Variants in USE1 observed in about 807,000 individuals in gnomAD.
The protein encoded by USE1 is vesicle transport protein USE1.
USE1 carries 32 observed loss-of-function variants against 37.6 expected under a neutral mutation model. That is an observed-to-expected ratio of 0.85 (90% CI 0.64 to 1.14). USE1 has a LOEUF of 1.14. USE1 is among the 50% of genes most tolerant of loss of function. USE1 has a pLI of 0.00. For missense variants in USE1, 310 were observed against 332.2 expected (o/e 0.93, Z 0.52); for synonymous variants, 149 against 137.6 (o/e 1.08, Z -0.58).
rs763944420 is a variant in USE1, at chr19:17,215,816, A to G, written c.117A>G (p.Leu39=). The G allele has an allele frequency of 1.2e-6, 2 of 1,608,230 alleles. No individual in the cohort carries two copies. Among genetic ancestry groups the G allele is most frequent in the East Asian group, 2.2e-5 (1 of 44,690 alleles). Residue 39 remains leucine (L), a synonymous_variant, in exon 2 of 8, where the codon CTA becomes CTG. Coordinates refer to ENST00000263897, the MANE Select transcript of USE1 (RefSeq NM_018467.4). The part of the protein sequence containing the change: ...EWRLEKYVGA[L]EDMLQALKVH... ...TTCCTCCCCAGTACGTGGGAGCCCT[A>G]GAGGACATGTTGCAGGCCCTGAAGG...
At chr19:17,218,676 A>C (rs988138400) in intron 6 of USE1, 3 of 302,186 alleles carry the variant, frequency 9.9e-6, no homozygotes, top group Admixed American at 4.8e-5. Flanking sequence ...AAATACAAAA[A>C]ATTAGCCGGG....
At chr19:17,215,602 C>A (rs2073283803) in intron 1 of USE1, 95 bp downstream of exon 1, 2 of 1,453,102 alleles carry the variant, frequency 1.4e-6, no homozygotes, top group South Asian at 1.3e-5. Flanking sequence ...GCCCCAGTAG[C>A]CTCTCGGGCA....
chr19:17,216,497 T>C (rs1000782575), intron 4 of USE1, among the ~76,000 whole-genome samples, 176 bp downstream of exon 4: 3 of 150,480 alleles, frequency 2.0e-5, no homozygotes, highest in Admixed American at 2.0e-4. Flanking sequence ...GCTAAGGCTT[T>C]GCTAGATGAA....
At chr19:17,216,970 C>T (rs2073294487) in intron 4 of USE1, among the ~76,000 whole-genome samples, 1 of 150,656 alleles carries the variant, frequency 6.6e-6, no homozygotes, top group Admixed American at 6.6e-5. Context: ...AAGAGTGAAA[C>T]TCCGTCTCAA....
intron 4 of USE1, 108 bp from the exon 5 acceptor site, chr19:17,217,345 A>C: frequency 8.2e-7 from 1 of 1,226,652 alleles, no homozygotes. Context: ...TATGTTGGCC[A>C]GGCTGGTCTC....
At chr19:17,215,927 G>T (rs1437259513) in intron 2 of USE1, 65 bp from the exon 3 acceptor site, 6 of 1,582,912 alleles carry the variant, frequency 3.8e-6, no homozygotes, top group Non-Finnish European at 5.2e-6. Context: ...CGCTATCCCA[G>T]CTGGGACCCT....
chr19:17,219,069 G>C, intron 6 of USE1, 144 bp from the exon 7 acceptor site: 1 of 1,227,356 alleles, frequency 8.1e-7, no homozygotes, highest in East Asian at 2.8e-5. Flanking sequence ...AGAGGTTGCA[G>C]TGAGCCGAGA....
Position 17,215,964 on chromosome 19 carries a change from T to G in USE1, c.153-28T>G. On this transcript the variant is annotated intron_variant, in intron 2 of 7. Transcript: ENST00000263897. ...CCCTGAGCTGGGGACCATGGACAGG[T>G]TTTGTTTTTCTTCTTCCTGCCTTCC... The G allele has an allele frequency of 2.5e-6, 4 of 1,588,454 alleles. No individual in the cohort carries two copies. The South Asian group carries it at 4.5e-5, about 18-fold the overall frequency.
Position 17,216,090 on chromosome 19 carries a change from C to T in USE1, c.231+20C>T. The T allele has an allele frequency of 6.2e-7, 1 of 1,613,212 alleles. No individual in the cohort carries two copies. Among genetic ancestry groups the T allele is most frequent in the South Asian group, 1.1e-5 (1 of 91,020 alleles). ...AAGCTGGTGAGAAGGGGTGCCCCTG[C>T]CCCCTCAGCCCCCATCACCGCTCAC... On this transcript the variant is annotated intron_variant, in intron 3 of 7. Transcript: ENST00000263897.
At chr19:17,218,186 A>C in intron 5 of USE1, 178 bp from the exon 6 acceptor site, 1 of 748,232 alleles carries the variant, frequency 1.3e-6, no homozygotes, top group Non-Finnish European at 2.2e-6. Flanking sequence ...GAACCGAGAC[A>C]GGAGTAAGGA....
chr19:17,218,558 G>C, intron 6 of USE1, 167 bp downstream of exon 6: 1 of 782,694 alleles, frequency 1.3e-6, no homozygotes, highest in Non-Finnish European at 2.0e-6. Flanking sequence ...AGGCGCAGTG[G>C]CTCACGCCTG....
rs751164837 is a variant in USE1, at chr19:17,219,214, G to A, written c.424G>A (p.Gly142Arg). 1 of 1,611,114 alleles carries A rather than the reference G, an allele frequency of 6.2e-7. No homozygotes were observed. Among genetic ancestry groups the A allele is most frequent in the Non-Finnish European group, 8.5e-7 (1 of 1,177,640 alleles). ...EPEMDVRKRT[G>R]VAGSQPVSEK... Reference sequence around the variant, plus strand: ...TCCTCCCCCCGTGTGTGAAATCAGTGGAGTGGCAGGGTCCCAGCCAGTGAG... The same window carrying A: ...TCCTCCCCCCGTGTGTGAAATCAGTAGAGTGGCAGGGTCCCAGCCAGTGAG... The change falls in exon 7 of 8, where the codon GGA becomes AGA. Residue 142 changes from glycine (G) to arginine (R), a missense_variant and splice_region_variant. Coordinates refer to ENST00000263897, the MANE Select transcript of USE1 (RefSeq NM_018467.4).
intron 5 of USE1, 139 bp from the exon 6 acceptor site, chr19:17,218,225 C>A: frequency 8.4e-7 from 1 of 1,195,298 alleles, no homozygotes; most frequent in Non-Finnish European, 1.2e-6. Flanking sequence ...GGTATTCAAG[C>A]ATGGTCAGAA....
intron 6 of USE1, 38 bp downstream of exon 6, chr19:17,218,429 G>C: frequency 1.2e-6 from 2 of 1,613,274 alleles, no homozygotes; most frequent in Non-Finnish European, 1.7e-6. Flanking sequence ...GTGGCAATTG[G>C]GCGGTGCGGC....
chr19:17,216,858 A>G (rs570932713), intron 4 of USE1, among the ~76,000 whole-genome samples: 3 of 152,012 alleles, frequency 2.0e-5, no homozygotes, highest in Admixed American at 1.3e-4. Context: ...CACGCCTGTA[A>G]TCCCAGCTAC....
rs530644302 is a variant in USE1, at chr19:17,219,241, G to C, written c.451G>C (p.Glu151Gln). The change falls in exon 7 of 8, where the codon GAG becomes CAG. Residue 151 changes from glutamate to glutamine, a missense_variant. Physicochemically the swap from Glu to Gln is conservative, Grantham distance 29. Transcript: ENST00000263897. ...TGVAGSQPVS[E>Q]KQLAAELDLV... ...AGTGGCAGGGTCCCAGCCAGTGAGT[G>C]AGAAGCAGTTGGCAGCTGAGCTAGA... The C allele has an allele frequency of 1.5e-5, 24 of 1,613,726 alleles. No individual in the cohort carries two copies. The highest frequency in any genetic ancestry group is 2.0e-5 in the Non-Finnish European group (24 of 1,179,844).
chr19:17,218,241 C>T lies in USE1; in HGVS notation c.395-123C>T, dbSNP rs192453470. 2.4e-3 allele frequency: 3,244 copies of T among 1,377,654 alleles called. 5 individuals carry two copies. Among genetic ancestry groups the T allele is most frequent in the Non-Finnish European group, 2.8e-3 (2,828 of 998,104 alleles). 85.3% of individuals were successfully genotyped at this position (1,377,654 alleles called of 1,614,324 possible). On this transcript the variant is annotated intron_variant, in intron 5 of 7. Transcript: ENST00000263897. ...GTATTCAAGCATGGTCAGAAGCCAA[C>T]GGGGCAGCAGACAAGATGAGGAAAC... is the stretch of plus-strand genomic sequence containing the variant.
At position 17,217,370 on chromosome 19, in the gene USE1, A is replaced by T. The variant is rs972524487; in HGVS notation, c.385-83A>T. ...AGGCTGGTCTCGAACTTCTGACCTC[A>T]GGTGATCTGCCCACCTTGGCCTCCC... On this transcript the variant is annotated intron_variant, in intron 4 of 7. Transcript: ENST00000263897. The T allele has an allele frequency of 2.5e-5, 37 of 1,501,980 alleles. No individual in the cohort carries two copies. The Admixed American group carries it at 4.2e-4, about 17-fold the overall frequency. 93.0% of individuals were successfully genotyped at this position (1,501,980 alleles called of 1,614,324 possible).
At position 17,216,082 on chromosome 19, in the gene USE1, T is replaced by A; in HGVS notation, c.231+12T>A. On this transcript the variant is annotated intron_variant, in intron 3 of 7. Transcript: ENST00000263897. ...AAGCCGAGAAGCTGGTGAGAAGGGG[T>A]GCCCCTGCCCCCTCAGCCCCCATCA... 6.2e-7 allele frequency: 1 copy of A among 1,612,608 alleles called. No homozygotes were observed. Among genetic ancestry groups the A allele is most frequent in the South Asian group, 1.1e-5 (1 of 90,966 alleles).
Sources: allele counts gnomAD v4.1 joint callset (sites outside exome capture counted in the v4.1 genomes callset), GRCh38; gene constraint gnomAD v4.1.1; transcripts MANE v1.5; gene names NCBI Gene and HGNC (gene_info 2026-07-23, HGNC 2026-07-21).